Variants in IL1RAPL2 observed in about 807,000 individuals in gnomAD.
The protein encoded by IL1RAPL2 is interleukin 1 receptor accessory protein like 2.
IL1RAPL2 carries 3 observed loss-of-function variants against 44.1 expected under a neutral mutation model. The ratio of observed to expected loss-of-function variants is 0.07; its 90% CI spans 0.03 to 0.18. The LOEUF (loss-of-function observed/expected upper bound fraction) is 0.18. Among genes scored for constraint, IL1RAPL2 ranks in the 10% least tolerant of loss-of-function variants. IL1RAPL2 has a pLI of 1.00. For synonymous variants in IL1RAPL2, 181 were observed against 178.8 expected, an observed-to-expected ratio of 1.01 and a Z score of -0.10; for missense variants, 391 against 496.4, an observed-to-expected ratio of 0.79 and a Z score of 2.02.
intron 2 of IL1RAPL2, among the ~76,000 whole-genome samples, chrX:104,778,784 C>T (rs927201923): frequency 4.6e-5 from 5 of 109,487 alleles, no homozygotes; most frequent in African/African-American, 1.7e-4. Flanking sequence ...ACTGGGGCTA[C>T]CTTGGATTTT....
At chrX:104,610,632 C>T (rs902244266) in intron 1 of IL1RAPL2, among the ~76,000 whole-genome samples, 2 of 111,505 alleles carry the variant, frequency 1.8e-5, no homozygotes, top group Admixed American at 1.9e-4. Flanking sequence ...TAAAAGAGGA[C>T]ACAAACAAAT....
chrX:105,499,901 A>G (rs922983064), intron 6 of IL1RAPL2, among the ~76,000 whole-genome samples: 91 of 112,257 alleles, frequency 8.1e-4, no homozygotes, highest in African/African-American at 2.8e-3. Context: ...TCACTTCTGA[A>G]TATTTGCCAA....
At chrX:104,847,799 A>G (rs1466729680) in intron 2 of IL1RAPL2, among the ~76,000 whole-genome samples, 1 of 111,674 alleles carries the variant, frequency 9.0e-6, no homozygotes, top group Non-Finnish European at 1.9e-5. Context: ...TGCCATTTTC[A>G]CGATGTTGAT....
intron 6 of IL1RAPL2, among the ~76,000 whole-genome samples, chrX:105,495,580 A>C: frequency 9.0e-6 from 1 of 111,719 alleles, no homozygotes; most frequent in Admixed American, 9.5e-5. Flanking sequence ...GAAGGTGTTG[A>C]CTGTATATCT....
At chrX:105,243,913 A>G (rs1335672754) in intron 4 of IL1RAPL2, among the ~76,000 whole-genome samples, 2 of 111,584 alleles carry the variant, frequency 1.8e-5, no homozygotes, top group African/African-American at 6.5e-5. Flanking sequence ...CCAAAAGGTT[A>G]GCAGACTTAA....
chrX:105,513,201 C>T (rs1468763867), intron 6 of IL1RAPL2, among the ~76,000 whole-genome samples: 3 of 111,660 alleles, frequency 2.7e-5, no homozygotes, highest in South Asian at 7.5e-4. Context: ...CAAGTCTTTG[C>T]TATTGTGAAT....
intron 2 of IL1RAPL2, among the ~76,000 whole-genome samples, chrX:104,797,384 T>C (rs1186798963): frequency 2.7e-5 from 3 of 110,601 alleles, no homozygotes; most frequent in African/African-American, 9.9e-5. Context: ...AGAACAGTAT[T>C]TTTAAAGTGT....
At chrX:105,467,501 A>C (rs1043772638) in intron 5 of IL1RAPL2, among the ~76,000 whole-genome samples, 8 of 111,806 alleles carry the variant, frequency 7.2e-5, no homozygotes, top group Non-Finnish European at 1.3e-4. Flanking sequence ...ATTCTACTAC[A>C]TATAACAGAA....
At chrX:105,628,012 G>C (rs768493560) in intron 6 of IL1RAPL2, among the ~76,000 whole-genome samples, 1 of 111,316 alleles carries the variant, frequency 9.0e-6, no homozygotes, top group South Asian at 3.8e-4. Flanking sequence ...GCTGCAGTTT[G>C]TGTGTCTGGG....
In IL1RAPL2 at chrX:104,959,804, C is replaced by A. The variant is rs150415525; in HGVS notation, c.83-235671C>A. Among the ~76,000 whole-genome samples the A allele has an allele frequency of 7.3e-3, 813 of 111,260 alleles. 8 individuals are homozygous for A. The highest frequency in any genetic ancestry group is 0.025 in the African/African-American group (753 of 30,536). ...ATACCTTCCCTTCGCTTCCATTGCTCTCCCCAGAATGCCTTTCTCTGCTTT... is the reference window on the plus strand; with the variant it reads ...ATACCTTCCCTTCGCTTCCATTGCTATCCCCAGAATGCCTTTCTCTGCTTT... On this transcript the variant is annotated intron_variant, in intron 2 of 10. Transcript: ENST00000372582.
At chrX:105,618,584 C>T (rs1318531632) in intron 6 of IL1RAPL2, among the ~76,000 whole-genome samples, 8 of 111,446 alleles carry the variant, frequency 7.2e-5, no homozygotes, top group African/African-American at 2.6e-4. Flanking sequence ...GTTCCCTTTA[C>T]ACCAGTTACT....
intron 1 of IL1RAPL2, among the ~76,000 whole-genome samples, chrX:104,580,857 T>C (rs187045614): frequency 7.1e-5 from 8 of 112,006 alleles, no homozygotes; most frequent in Non-Finnish European, 1.5e-4. Flanking sequence ...AGTACCACCT[T>C]GAGCCAACCA....
chrX:105,699,038 G>A (rs965957877), intron 6 of IL1RAPL2, among the ~76,000 whole-genome samples: 6 of 111,587 alleles, frequency 5.4e-5, no homozygotes, highest in African/African-American at 2.0e-4. Context: ...ATGTCAGGCA[G>A]TTAATTCATG....
intron 2 of IL1RAPL2, among the ~76,000 whole-genome samples, chrX:104,689,161 ATATT>A (rs1194183121): frequency 8.9e-6 from 1 of 112,062 alleles, no homozygotes; most frequent in Admixed American, 9.5e-5. Context: ...GGTGTTATAT[ATATT>A]CTTTCATCTG....
intron 2 of IL1RAPL2, among the ~76,000 whole-genome samples, chrX:105,151,745 G>T (rs1024596064): frequency 1.8e-5 from 2 of 108,463 alleles, no homozygotes; most frequent in African/African-American, 3.4e-5. Context: ...ATATGCAAAT[G>T]CCCATCAATC....
At chrX:105,212,248 A>G (rs782025654) in intron 3 of IL1RAPL2, among the ~76,000 whole-genome samples, 44 of 112,300 alleles carry the variant, frequency 3.9e-4, no homozygotes, top group African/African-American at 1.4e-3. Flanking sequence ...AGCAGTCTGA[A>G]GTCAACCTGG....
chrX:105,619,729 C>T (rs2037406022), intron 6 of IL1RAPL2, among the ~76,000 whole-genome samples: 1 of 110,895 alleles, frequency 9.0e-6, no homozygotes, highest in Non-Finnish European at 1.9e-5. Flanking sequence ...AAAATAGGTA[C>T]ATATATTGAG....
At chrX:105,063,177 GCTCA>G (rs2032096417) in intron 2 of IL1RAPL2, among the ~76,000 whole-genome samples, 1 of 111,250 alleles carries the variant, frequency 9.0e-6, no homozygotes, top group Non-Finnish European at 1.9e-5. Flanking sequence ...CTCTCCTCAA[GCTCA>G]CTAATTATTT....
chrX:105,370,886 C>G (rs2035333966), intron 5 of IL1RAPL2, among the ~76,000 whole-genome samples: 1 of 112,211 alleles, frequency 8.9e-6, no homozygotes, highest in Non-Finnish European at 1.9e-5. Context: ...CTCTTCACTG[C>G]AGCCTTGCAA....
Sources: allele counts gnomAD v4.1 joint callset (sites outside exome capture counted in the v4.1 genomes callset), GRCh38; gene constraint gnomAD v4.1.1; transcripts MANE v1.5; gene names NCBI Gene and HGNC (gene_info 2026-07-23, HGNC 2026-07-21).